The following NUDC variants were observed in gnomAD, a reference collection of about 807,000 sequenced individuals.
NUDC encodes nuclear distribution C, dynein complex regulator.
Under a neutral mutation model 45.0 loss-of-function variants are expected in NUDC, and 14 were observed. That is an observed-to-expected ratio of 0.31 (90% CI 0.21 to 0.49). The LOEUF (loss-of-function observed/expected upper bound fraction) is 0.49. Ranked by LOEUF, NUDC falls within the 20% of genes least tolerant of loss-of-function variation. The probability of loss-of-function intolerance (pLI) is 0.99; values close to 1 mark genes in which losing one functional copy is unlikely to be tolerated. For synonymous variants in NUDC, 153 were observed against 156.7 expected, an observed-to-expected ratio of 0.98 and a Z score of 0.17; for missense variants, 323 against 426.2, an observed-to-expected ratio of 0.76 and a Z score of 2.13.
chr1:26,925,114 C>T (rs1030406282), intron 2 of NUDC, among the ~76,000 whole-genome samples: 12 of 151,490 alleles, frequency 7.9e-5, no homozygotes, highest in Admixed American at 7.2e-4. Flanking sequence ...CCCCTGACCT[C>T]AAGTGATCCA....
upstream of NUDC, among the ~76,000 whole-genome samples, chr1:26,920,158 A>G (rs1480425101): frequency 1.3e-5 from 2 of 152,240 alleles, no homozygotes; most frequent in African/African-American, 4.8e-5. Context: ...GGCTTTGGCA[A>G]TATGTAGCAC....
At chr1:26,943,982 A>C (rs2082299487) in intron 6 of NUDC, among the ~76,000 whole-genome samples, 1 of 151,230 alleles carries the variant, frequency 6.6e-6, no homozygotes. Context: ...GGTTCATGCC[A>C]TTCTCCTGCT....
At chr1:26,935,634 G>A (rs999015214) in intron 2 of NUDC, among the ~76,000 whole-genome samples, 24 of 152,102 alleles carry the variant, frequency 1.6e-4, no homozygotes, top group Middle Eastern at 3.4e-3. Flanking sequence ...GACATGTGGG[G>A]ATTATGGGAA....
At chr1:26,908,584 G>C (rs570353327) in intron 2 of NUDC, among the ~76,000 whole-genome samples, 1 of 152,078 alleles carries the variant, frequency 6.6e-6, no homozygotes, top group Admixed American at 6.6e-5. Context: ...TTTTGAGACA[G>C]GGTCTTGCTC....
chr1:26,906,088 C>G (rs2124052861), intron 2 of NUDC, among the ~76,000 whole-genome samples: 1 of 152,262 alleles, frequency 6.6e-6, no homozygotes, highest in East Asian at 1.9e-4. Context: ...TTGAGACCAG[C>G]CTGACCAAAT....
chr1:26,946,529 G>C lies in NUDC; in HGVS notation c.*348G>C. ...CTAGGGCACATCCTTGCCCCTCTCT[G>C]GGCCTCAGTTTCTCATTACTTAAAG... On this transcript the variant is annotated 3_prime_UTR_variant, in exon 9 of 9. Transcript: ENST00000321265. The C allele has an allele frequency of 2.8e-6, 1 of 363,632 alleles. No homozygotes were observed. The highest frequency in any genetic ancestry group is 2.5e-5 in the South Asian group (1 of 40,264). 22.5% of individuals were successfully genotyped at this position (363,632 alleles called of 1,614,324 possible). A position where few individuals can be genotyped will look rare whatever the true frequency, so the allele number is the denominator to read the frequency against.
intron 1 of NUDC, among the ~76,000 whole-genome samples, chr1:26,900,918 CTA>C (rs1453595190): frequency 2.6e-5 from 4 of 152,174 alleles, no homozygotes; most frequent in African/African-American, 9.7e-5. Flanking sequence ...AATGAAAGTG[CTA>C]TGAGTTACTA....
chr1:26,926,250 G>GT (rs1557673022), intron 2 of NUDC, among the ~76,000 whole-genome samples: 1 of 152,140 alleles, frequency 6.6e-6, no homozygotes, highest in Non-Finnish European at 1.5e-5. Flanking sequence ...TTTGCAAACC[G>GT]TTTTCTGTGG....
intron 2 of NUDC, among the ~76,000 whole-genome samples, chr1:26,905,179 G>A (rs1258048545): frequency 2.4e-5 from 1 of 40,922 alleles, no homozygotes; most frequent in Non-Finnish European, 5.5e-5. Context: ...TTTTTTTTTT[G>A]AGACAGAGCC....
At chr1:26,928,216 C>T (rs1393695908) in intron 2 of NUDC, among the ~76,000 whole-genome samples, 2 of 152,054 alleles carry the variant, frequency 1.3e-5, no homozygotes, top group Non-Finnish European at 2.9e-5. Context: ...GTAGGCAAAG[C>T]ATGATTTAAT....
In NUDC at chr1:26,921,755, C is replaced by G; in HGVS notation, c.-94C>G. 2 of 1,343,056 alleles carry G rather than the reference C, an allele frequency of 1.5e-6. No individual in the cohort carries two copies. The highest frequency in any genetic ancestry group is 1.3e-5 in the South Asian group (1 of 79,794). 83.2% of individuals were successfully genotyped at this position (1,343,056 alleles called of 1,614,324 possible). A position where few individuals can be genotyped will look rare whatever the true frequency, so the allele number is the denominator to read the frequency against. On this transcript the variant is annotated 5_prime_UTR_variant, in exon 1 of 9. Coordinates refer to ENST00000321265, the MANE Select transcript of NUDC (RefSeq NM_006600.4). ...TTCCGGCTCCGCTGCGGAAGGCGGA[C>G]GACTAGAGTCGTTGGGCCCGGCGCG...
At chr1:26,921,076 T>C (rs1406639034), upstream of NUDC, among the ~76,000 whole-genome samples, 1 of 152,216 alleles carries the variant, frequency 6.6e-6, no homozygotes, top group Non-Finnish European at 1.5e-5. Context: ...TGAGATTCAT[T>C]GCACAAGTGG....
At chr1:26,927,305 C>A (rs1418057652) in intron 2 of NUDC, among the ~76,000 whole-genome samples, 1 of 30,422 alleles carries the variant, frequency 3.3e-5, no homozygotes, top group Non-Finnish European at 7.2e-5. Flanking sequence ...GTGTGTGTGT[C>A]AGGGTCTTGC....
upstream of NUDC, among the ~76,000 whole-genome samples, chr1:26,920,246 T>C (rs2082082221): frequency 6.6e-6 from 1 of 152,114 alleles, no homozygotes; most frequent in African/African-American, 2.4e-5. Context: ...TCCTAGCGCG[T>C]TGCGAGGCCG....
rs188365200 is a variant in NUDC at position 26,907,911 on chromosome 1, G to T, written c.-15-3217G>T. Among the ~76,000 whole-genome samples the T allele has an allele frequency of 1.2e-4, 18 of 152,328 alleles. No individual in the cohort carries two copies. In the East Asian group the frequency reaches 3.5e-3, roughly 29 times the overall value. On this transcript the variant is annotated intron_variant, in intron 2 of 6. Transcript: ENST00000435827. Reference sequence around the variant, plus strand: ...GTCTCAGCACAGGCCAGGTGCGGTGGCTCATGCCTGTAATCCCAGCACTTT... The same window carrying T: ...GTCTCAGCACAGGCCAGGTGCGGTGTCTCATGCCTGTAATCCCAGCACTTT...
In NUDC at chr1:26,921,971, C is replaced by T. The variant is rs912581965; in HGVS notation, c.81+42C>T. ...CGTCGGCCCACCCGGCGGCCTTGGC[C>T]ACGCTCCTTCCGCCCTTCTCTGCCT... On this transcript the variant is annotated intron_variant, in intron 1 of 8. Coordinates refer to ENST00000321265, the MANE Select transcript of NUDC (RefSeq NM_006600.4). 19 of 1,536,066 alleles carry T rather than the reference C, an allele frequency of 1.2e-5. No individual in the cohort carries two copies. In the African/African-American group the frequency reaches 1.5e-4, roughly 12 times the overall value.
chr1:26,941,965 A>G (rs2082281519), intron 4 of NUDC, 147 bp downstream of exon 4: 8 of 824,534 alleles, frequency 9.7e-6, no homozygotes, highest in Non-Finnish European at 1.6e-5. Flanking sequence ...TTAAGATCAC[A>G]CTCAGAGACA....
chr1:26,911,462 T>C (rs1450979515), intron 3 of NUDC: 1 of 344,534 alleles, frequency 2.9e-6, no homozygotes, highest in East Asian at 7.7e-5. Flanking sequence ...CCCTTCCATA[T>C]GCACAAATGA....
At chr1:26,930,589 A>G (rs1314675803) in intron 2 of NUDC, among the ~76,000 whole-genome samples, 1 of 152,106 alleles carries the variant, frequency 6.6e-6, no homozygotes, top group Non-Finnish European at 1.5e-5. Flanking sequence ...ACAAGCCTGT[A>G]GTCCCAGCTA....
Sources: gnomAD v4.1 joint callset for allele counts (sites outside exome capture counted in the v4.1 genomes callset) on GRCh38, gnomAD v4.1.1 for gene constraint, MANE v1.5 for transcripts, NCBI Gene and HGNC (gene_info 2026-07-23, HGNC 2026-07-21) for gene names.